The following SLC30A2 variants were observed in gnomAD, a reference collection of about 807,000 sequenced individuals.
SLC30A2 encodes the protein proton-coupled zinc antiporter SLC30A2.
A neutral mutation model predicts 39.6 loss-of-function variants in SLC30A2; 19 were observed. The ratio of observed to expected loss-of-function variants is 0.48; its 90% confidence interval spans 0.34 to 0.70. SLC30A2 has a LOEUF of 0.70. Ranked by LOEUF, SLC30A2 falls within the 30% of genes least tolerant of loss-of-function variation. The probability of loss-of-function intolerance (pLI) is 0.01; values close to 1 mark genes in which losing one functional copy is unlikely to be tolerated. For missense variants in SLC30A2, 387 were observed against 479.4 expected, an observed-to-expected ratio of 0.81 and a Z score of 1.80; for synonymous variants, 195 against 194.8, an observed-to-expected ratio of 1.00 and a Z score of -0.01.
Position 26,038,894 on chromosome 1 carries a change from T to G in SLC30A2, c.*266A>C, listed in dbSNP as rs1314389956. ...CGAGTGGTAGAACATTTGCTGAGGA[T>G]TAGGCCCAAATACAGCCCTTCCAGA... is the stretch of plus-strand genomic sequence containing the variant. On this transcript the variant is annotated 3_prime_UTR_variant, in exon 8 of 8. Coordinates refer to ENST00000374276, the MANE Select transcript of SLC30A2 (RefSeq NM_001004434.3). 12 of 867,700 alleles carry G rather than the reference T, an allele frequency of 1.4e-5. No individual in the cohort carries two copies. The African/African-American group carries it at 1.7e-4, about 12-fold the overall frequency. 53.8% of individuals were successfully genotyped at this position (867,700 alleles called of 1,614,324 possible).
At position 26,039,076 on chromosome 1, in the gene SLC30A2, C is replaced by A; in HGVS notation, c.*84G>T. ...TGGTTTACAACACAGCTGGGGTAGG[C>A]AAAGTCCTGGCTGGGCCTGGGGGAC... On this transcript the variant is annotated 3_prime_UTR_variant, in exon 8 of 8. Transcript: ENST00000374276. This position sits in a 1 kb window ranked among gnomAD's most constrained non-coding sequence, Gnocchi z 4.3. 2 of 1,553,936 alleles carry A rather than the reference C, an allele frequency of 1.3e-6. No individual in the cohort carries two copies. Among genetic ancestry groups the A allele is most frequent in the Non-Finnish European group, 1.7e-6 (2 of 1,143,806 alleles).
At chr1:26,043,646 A>C in intron 3 of SLC30A2, 95 bp from the exon 4 acceptor site, 3 of 1,330,670 alleles carry the variant, frequency 2.3e-6, no homozygotes, top group Non-Finnish European at 3.1e-6. Flanking sequence ...CCCACCTCCC[A>C]CACAAAGTCA....
chr1:26,043,387 G>T lies in SLC30A2; in HGVS notation c.572+11C>A. The T allele has an allele frequency of 6.2e-7, 1 of 1,611,262 alleles. No homozygotes were observed. Among genetic ancestry groups the T allele is most frequent in the Middle Eastern group, 1.7e-4 (1 of 6,052 alleles). The stretch of plus-strand genomic sequence containing the variant: ...AGGAGGGGAGACGAGGGAAACTGGG[G>T]CCCCACTCACATGATGTTCACAGCC... On this transcript the variant is annotated intron_variant, in intron 4 of 7. Coordinates refer to ENST00000374276, the MANE Select transcript of SLC30A2 (RefSeq NM_001004434.3).
intron 6 of SLC30A2, among the ~76,000 whole-genome samples, chr1:26,040,345 T>C (rs1223033868): frequency 6.6e-6 from 1 of 152,050 alleles, no homozygotes; most frequent in Non-Finnish European, 1.5e-5. Flanking sequence ...GCCTCCCTGG[T>C]TCAAGCAATT....
rs773908149 is a variant in SLC30A2, at chr1:26,039,821, G to A, written c.929C>T (p.Ala310Val). The A allele has an allele frequency of 6.2e-7, 1 of 1,613,966 alleles. No individual in the cohort carries two copies. Among genetic ancestry groups the A allele is most frequent in the Non-Finnish European group, 8.5e-7 (1 of 1,180,008 alleles). The change falls in exon 7 of 8, where the codon GCA (alanine) becomes GTA (valine). Residue 310 changes from alanine to valine, a missense_variant. By Grantham distance (64) the Ala-to-Val change is moderately conservative. Transcript: ENST00000374276. This position sits in a 1 kb window ranked among gnomAD's most constrained non-coding sequence, Gnocchi z 4.3. ...CAGAACAGGCTGGGCCACCGTCAGT[G>A]CCCAGATATGCAGGCTGTGCAGGGC... ...VEALHSLHIW[A>V]LTVAQPVLSV... is the part of the protein sequence containing the mutation.
In SLC30A2 at chr1:26,038,811, G is replaced by A; in HGVS notation, c.*349C>T. On this transcript the variant is annotated 3_prime_UTR_variant, in exon 8 of 8. Coordinates refer to ENST00000374276, the MANE Select transcript of SLC30A2 (RefSeq NM_001004434.3). ...GAATGGGGCATGAGGCAGGCAGTAT[G>A]GGCGCGCTGGGGCCAGCCTCCCCTT... 4.4e-6 allele frequency: 1 copy of A among 225,854 alleles called. No homozygotes were observed. Among genetic ancestry groups the A allele is most frequent in the Non-Finnish European group, 8.3e-6 (1 of 119,912 alleles). The allele number at this position is 225,854 out of a possible 1,614,324, so 14.0% of individuals were successfully genotyped here. A position where few individuals can be genotyped will look rare whatever the true frequency, so the allele number is the denominator to read the frequency against.
intron 2 of SLC30A2, 60 bp downstream of exon 2, chr1:26,044,937 G>A: frequency 7.2e-7 from 1 of 1,383,824 alleles, no homozygotes; most frequent in Non-Finnish European, 1.0e-6. Context: ...TGTCAGTATT[G>A]CTGGGAACAT....
Position 26,039,191 on chromosome 1 carries a change from T to A in SLC30A2, c.1088A>T (p.Asp363Val). 1 of 1,614,090 alleles carries A rather than the reference T, an allele frequency of 6.2e-7. No homozygotes were observed. Among genetic ancestry groups the A allele is most frequent in the Non-Finnish European group, 8.5e-7 (1 of 1,179,944 alleles). ...QIEDYSEDMK[D>V]CQACQGPSD is the part of the protein sequence containing the mutation. ...TGAGGGGCCCTGGCATGCCTGACAG[T>A]CCTTCATGTCCTCCGAGTAGTCCTC... is the stretch of plus-strand genomic sequence containing the variant. Residue 363 changes from aspartate to valine, a missense_variant, in exon 8 of 8, where the codon GAC becomes GTC. Coordinates refer to ENST00000374276, the MANE Select transcript of SLC30A2 (RefSeq NM_001004434.3). This position sits in a 1 kb window ranked among gnomAD's most constrained non-coding sequence, Gnocchi z 4.3.
chr1:26,040,600 T>C (rs969543171), intron 6 of SLC30A2, among the ~76,000 whole-genome samples: 1 of 152,136 alleles, frequency 6.6e-6, no homozygotes, highest in Non-Finnish European at 1.5e-5. Context: ...CTGAGAATCC[T>C]TGGACCCACC....
chr1:26,045,304 T>G, intron 1 of SLC30A2, 87 bp from the exon 2 acceptor site: 1 of 1,073,056 alleles, frequency 9.3e-7, no homozygotes. Context: ...TGAGGCCTTG[T>G]GTCCACTGGG....
At chr1:26,045,238 G>C (rs778193184) in intron 1 of SLC30A2, 21 bp from the exon 2 acceptor site, 2 of 1,592,406 alleles carry the variant, frequency 1.3e-6, no homozygotes, top group African/African-American at 2.7e-5. Flanking sequence ...GGGAAGAGAG[G>C]GAACGCTCAG....
Position 26,044,424 on chromosome 1 carries a change from A to G in SLC30A2, c.292T>C (p.Leu98=). The G allele has an allele frequency of 1.2e-6, 2 of 1,613,898 alleles. No individual in the cohort carries two copies. The highest frequency in any genetic ancestry group is 8.5e-7 in the Non-Finnish European group (1 of 1,179,954). ...TGTGCTGCGTCAGTCATGACAGCCA[A>G]GCTGTGTGCCAGGTACCCACCTGCA... ...EVVGGYLAHS[L]AVMTDAAHLL... The change falls in exon 3 of 8, where the codon TTG becomes CTG. Residue 98 remains leucine (L), a synonymous_variant. Transcript: ENST00000374276.
intron 6 of SLC30A2, 126 bp from the exon 7 acceptor site, chr1:26,040,037 C>T: frequency 1.0e-6 from 1 of 963,470 alleles, no homozygotes; most frequent in Non-Finnish European, 1.6e-6. Context: ...GCCTGCAGGT[C>T]TGAGGCTGCC....
Position 26,045,936 on chromosome 1 carries a change from C to G in SLC30A2, c.-40G>C. 6 of 1,603,766 alleles carry G rather than the reference C, an allele frequency of 3.7e-6. No individual in the cohort carries two copies. The Middle Eastern group carries it at 6.0e-4, about 160-fold the overall frequency. On this transcript the variant is annotated 5_prime_UTR_variant, in exon 1 of 8. Coordinates refer to ENST00000374276, the MANE Select transcript of SLC30A2 (RefSeq NM_001004434.3). The stretch of plus-strand genomic sequence containing the variant: ...AGTCCCGGCAGCCGCGCAGCCGCCC[C>G]GCCGAGTGCGCCCTGAAAGTTGCGC...
In SLC30A2 at chr1:26,039,146, G is replaced by A; in HGVS notation, c.*14C>T. The A allele has an allele frequency of 6.2e-7, 1 of 1,612,186 alleles. No homozygotes were observed. Among genetic ancestry groups the A allele is most frequent in the East Asian group, 2.2e-5 (1 of 44,832 alleles). ...AGGTCCTGTTCATGCCCCAGTTGGT[G>A]CCTGGCTGAGCAGTCAGTCTGAGGG... On this transcript the variant is annotated 3_prime_UTR_variant, in exon 8 of 8. Transcript: ENST00000374276. This position sits in a 1 kb window ranked among gnomAD's most constrained non-coding sequence, Gnocchi z 4.3.
chr1:26,041,574 T>TG, intron 6 of SLC30A2, 126 bp downstream of exon 6: 1 of 642,696 alleles, frequency 1.6e-6, no homozygotes, highest in Non-Finnish European at 2.8e-6. Flanking sequence ...TTCCAGCCTA[T>TG]GCCGGGGCTC....
In SLC30A2 at chr1:26,039,908, G is replaced by A. The variant is rs1485948229; in HGVS notation, c.842C>T (p.Thr281Ile). 6.2e-7 allele frequency: 1 copy of A among 1,613,986 alleles called. No individual in the cohort carries two copies. ...AGCTGTGAAGTCAACGCCCTTGGGG[G>A]TCCCTGAGGACGGCAAGGACAGGGG... ...RDVILVLMEG[T>I]PKGVDFTAVR... Residue 281 changes from threonine to isoleucine, a missense_variant, in exon 7 of 8, where the codon ACC (threonine) becomes ATC (isoleucine). Coordinates refer to ENST00000374276, the MANE Select transcript of SLC30A2 (RefSeq NM_001004434.3). This position sits in a 1 kb window ranked among gnomAD's most constrained non-coding sequence, Gnocchi z 4.3.
chr1:26,038,845 C>T lies in SLC30A2; in HGVS notation c.*315G>A, dbSNP rs761167772. 13 of 385,660 alleles carry T rather than the reference C, an allele frequency of 3.4e-5. No individual in the cohort carries two copies. The highest frequency in any genetic ancestry group is 3.5e-5 in the Non-Finnish European group (9 of 255,036). 23.9% of individuals were successfully genotyped at this position (385,660 alleles called of 1,614,324 possible). A position where few individuals can be genotyped will look rare whatever the true frequency, so the allele number is the denominator to read the frequency against. ...GGGGCCAGCCTCCCCTTGGACGTCC[C>T]GTGGCTCACCACCTTTGCCCCTGCG... On this transcript the variant is annotated 3_prime_UTR_variant, in exon 8 of 8. Transcript: ENST00000374276.
In SLC30A2 at chr1:26,038,628, T is replaced by A. The variant is rs1020834895; in HGVS notation, c.*532A>T. 6.6e-6 allele frequency: 1 copy of A among 152,368 alleles called. No homozygotes were observed. The highest frequency in any genetic ancestry group is 1.9e-4 in the East Asian group (1 of 5,204). The allele number at this position is 152,368 out of a possible 1,614,324, so 9.4% of individuals were successfully genotyped here. On this transcript the variant is annotated 3_prime_UTR_variant, in exon 8 of 8. Coordinates refer to ENST00000374276, the MANE Select transcript of SLC30A2 (RefSeq NM_001004434.3). ...TCCAGGAAAGGGAACATTTGGCTCA[T>A]AGCTGAAGTGACTAAGGCACAGATA... is the stretch of plus-strand genomic sequence containing the variant.
Sources: allele counts gnomAD v4.1 joint callset (sites outside exome capture counted in the v4.1 genomes callset), GRCh38; gene constraint gnomAD v4.1.1; non-coding constraint Gnocchi (gnomAD v3.1); transcripts MANE v1.5; gene names NCBI Gene and HGNC (gene_info 2026-07-23, HGNC 2026-07-21).